Variants in AGBL4 observed in about 807,000 individuals in gnomAD.
AGBL4 encodes AGBL carboxypeptidase 4.
A neutral mutation model predicts 66.4 loss-of-function variants in AGBL4; 58 were observed. That is an observed-to-expected ratio of 0.87 (90% CI 0.71 to 1.09). The LOEUF (loss-of-function observed/expected upper bound fraction) is 1.09. AGBL4 is among the 50% of genes least tolerant of loss of function. The pLI, the probability that AGBL4 is intolerant of heterozygous loss-of-function variation, is 0.00. For missense variants in AGBL4, 579 were observed against 631.0 expected (o/e 0.92, Z 0.88); for synonymous variants, 234 against 222.9 (o/e 1.05, Z -0.44).
intron 6 of AGBL4, among the ~76,000 whole-genome samples, chr1:48,708,616 G>C (rs1294823015): frequency 6.6e-6 from 1 of 152,222 alleles, no homozygotes; most frequent in Admixed American, 6.5e-5. Context: ...TAGGCAGGGA[G>C]GTCATGCTTA....
chr1:49,709,469 C>A (rs1309438864), intron 2 of AGBL4, among the ~76,000 whole-genome samples: 2 of 152,106 alleles, frequency 1.3e-5, no homozygotes, highest in Non-Finnish European at 2.9e-5. Flanking sequence ...GAATTTCAAG[C>A]CAGAGAATCT....
chr1:49,443,374 G>T (rs916411348), intron 3 of AGBL4, among the ~76,000 whole-genome samples: 10 of 151,964 alleles, frequency 6.6e-5, no homozygotes, highest in Non-Finnish European at 4.4e-5. Context: ...TTCTCTAGAT[G>T]TTCTTCAATA....
intron 9 of AGBL4, 64 bp from the exon 10 acceptor site, chr1:48,591,049 A>G: frequency 2.2e-6 from 3 of 1,385,442 alleles, no homozygotes; most frequent in Non-Finnish European, 2.9e-6. Context: ...AAGGGACCAG[A>G]CACTACACTA....
At chr1:48,827,126 T>C (rs1248499065) in intron 6 of AGBL4, among the ~76,000 whole-genome samples, 3 of 152,240 alleles carry the variant, frequency 2.0e-5, no homozygotes, top group Non-Finnish European at 4.4e-5. Flanking sequence ...ACCATTTTTG[T>C]ATTGCCTCAG....
chr1:49,367,106 G>GAAAC (rs765999644), intron 3 of AGBL4, among the ~76,000 whole-genome samples: 8 of 152,252 alleles, frequency 5.3e-5, no homozygotes, highest in South Asian at 2.1e-4. Context: ...AATGACTAAT[G>GAAAC]AAACAAACAA....
At chr1:49,340,373 C>A (rs1034431480) in intron 3 of AGBL4, among the ~76,000 whole-genome samples, 4 of 152,170 alleles carry the variant, frequency 2.6e-5, no homozygotes, top group Admixed American at 2.0e-4. Context: ...CCTTTTCCTT[C>A]ACTATTTAGC....
intron 4 of AGBL4, among the ~76,000 whole-genome samples, chr1:49,136,106 A>G (rs951617141): frequency 6.6e-6 from 1 of 152,202 alleles, no homozygotes; most frequent in African/African-American, 2.4e-5. Context: ...TTGCAAGGCA[A>G]TTAAAAACAA....
At position 48,560,100 on chromosome 1, in the gene AGBL4, T is replaced by C. The variant is rs189386687; in HGVS notation, c.1268-20362A>G. Among the ~76,000 whole-genome samples, 76 of 152,308 alleles carry C rather than the reference T, an allele frequency of 5.0e-4. 1 individual carries two copies. The highest frequency in any genetic ancestry group is 5.0e-3 in the Admixed American group (76 of 15,288). Reference sequence around the variant, plus strand: ...TCCCTAGGACCCCTATCCCCTCCTCTGAACTCGGAACCTCTTTCATGACAC... The same window carrying C: ...TCCCTAGGACCCCTATCCCCTCCTCCGAACTCGGAACCTCTTTCATGACAC... On this transcript the variant is annotated intron_variant, in intron 11 of 13. Transcript: ENST00000371839.
chr1:49,295,247 G>A (rs954898500), intron 3 of AGBL4, among the ~76,000 whole-genome samples: 1 of 152,118 alleles, frequency 6.6e-6, no homozygotes, highest in Non-Finnish European at 1.5e-5. Flanking sequence ...CACTCTCCAG[G>A]ACCTCACAGT....
chr1:49,065,562 G>A (rs1269684299), intron 4 of AGBL4, among the ~76,000 whole-genome samples: 1 of 152,166 alleles, frequency 6.6e-6, no homozygotes, highest in Non-Finnish European at 1.5e-5. Flanking sequence ...AATGGAGTGG[G>A]ATTTGAAGGT....
At chr1:49,367,544 C>T (rs1361696311) in intron 3 of AGBL4, among the ~76,000 whole-genome samples, 2 of 152,040 alleles carry the variant, frequency 1.3e-5, no homozygotes, top group African/African-American at 4.8e-5. Context: ...CTCAGGTATC[C>T]CTTTATAGTA....
intron 3 of AGBL4, among the ~76,000 whole-genome samples, chr1:49,569,056 G>A (rs1037416224): frequency 6.6e-6 from 1 of 152,204 alleles, no homozygotes; most frequent in African/African-American, 2.4e-5. Context: ...CCATGAAAGA[G>A]AATGAAATCT....
At chr1:48,588,622 G>A (rs979729977) in intron 10 of AGBL4, among the ~76,000 whole-genome samples, 10 of 151,354 alleles carry the variant, frequency 6.6e-5, no homozygotes, top group African/African-American at 1.2e-4. Flanking sequence ...ACCAATACAA[G>A]AAAGGCACAG....
At chr1:49,806,552 A>T (rs1571608222) in intron 2 of AGBL4, among the ~76,000 whole-genome samples, 1 of 152,272 alleles carries the variant, frequency 6.6e-6, no homozygotes, top group Non-Finnish European at 1.5e-5. Context: ...GATCTGAAAA[A>T]CTCTCAGCCT....
chr1:48,775,968 T>G (rs901246314), intron 6 of AGBL4, among the ~76,000 whole-genome samples: 10 of 152,338 alleles, frequency 6.6e-5, no homozygotes, highest in African/African-American at 2.2e-4. Context: ...TCCTTACCTC[T>G]GCCACCTGGC....
At chr1:49,770,368 T>G (rs1168145218) in intron 2 of AGBL4, among the ~76,000 whole-genome samples, 1 of 152,210 alleles carries the variant, frequency 6.6e-6, no homozygotes, top group African/African-American at 2.4e-5. Flanking sequence ...CCAGGGATGA[T>G]TCCCACTTTA....
At chr1:48,897,425 T>C (rs1181765218) in intron 5 of AGBL4, among the ~76,000 whole-genome samples, 3 of 152,254 alleles carry the variant, frequency 2.0e-5, no homozygotes, top group Non-Finnish European at 4.4e-5. Flanking sequence ...TTGTGAACAA[T>C]GCTGCAATAA....
At chr1:49,697,606 A>T (rs1220347738) in intron 2 of AGBL4, among the ~76,000 whole-genome samples, 169 bp from the exon 3 acceptor site, 7 of 152,156 alleles carry the variant, frequency 4.6e-5, no homozygotes, top group African/African-American at 1.7e-4. Flanking sequence ...AGCCCAGAGT[A>T]AGAAAAGCTT....
At chr1:49,278,174 T>A (rs1439254620) in intron 3 of AGBL4, among the ~76,000 whole-genome samples, 1 of 152,090 alleles carries the variant, frequency 6.6e-6, no homozygotes, top group African/African-American at 2.4e-5. Context: ...TGTAGCTCTA[T>A]ATAACAAACC....
Sources: gnomAD v4.1 joint callset for allele counts (sites outside exome capture counted in the v4.1 genomes callset) on GRCh38, gnomAD v4.1.1 for gene constraint, MANE v1.5 for transcripts, NCBI Gene and HGNC (gene_info 2026-07-23, HGNC 2026-07-21) for gene names.